The following TSC22D4 variants were observed in gnomAD, a reference collection of about 807,000 sequenced individuals.
TSC22D4 encodes TSC22 domain family member 4.
In TSC22D4, 5 loss-of-function variants were observed where a neutral mutation model predicts 24.9. That is an observed-to-expected ratio of 0.20 (90% CI 0.10 to 0.42). The LOEUF is 0.42. Among genes scored for constraint, TSC22D4 ranks in the 10% least tolerant of loss-of-function variants. The pLI, the probability that TSC22D4 is intolerant of heterozygous loss-of-function variation, is 1.00. For missense variants in TSC22D4, 469 were observed against 547.9 expected (o/e 0.86, Z 1.44); for synonymous variants, 245 against 243.2 (o/e 1.01, Z -0.07).
At chr7:100,478,572 G>GCC (rs1799562107) in intron 1 of TSC22D4, among the ~76,000 whole-genome samples, 1 of 152,024 alleles carries the variant, frequency 6.6e-6, no homozygotes, top group Non-Finnish European at 1.5e-5. Context: ...CCAGAGTTGG[G>GCC]CATTTCTCGC....
In TSC22D4 at chr7:100,477,207, G is replaced by T; in HGVS notation, c.762+70C>A. 3 of 1,223,038 alleles carry T rather than the reference G, an allele frequency of 2.5e-6. No individual in the cohort carries two copies. Among genetic ancestry groups the T allele is most frequent in the South Asian group, 2.5e-5 (1 of 40,106 alleles). The allele number at this position is 1,223,038 out of a possible 1,614,324, so 75.8% of individuals were successfully genotyped here. ...AGAAGGAGGAGGAGAGGGGGGGGAG[G>T]AGGAGGAAGGAGGCTCAAGATAGAG... On this transcript the variant is annotated intron_variant, in intron 2 of 4. Coordinates refer to ENST00000300181, the MANE Select transcript of TSC22D4 (RefSeq NM_030935.5). The surrounding 1 kb of genome is among the most constrained non-coding windows in gnomAD (Gnocchi z 7.8).
Position 100,478,186 on chromosome 7 carries a change from C to T in TSC22D4, c.-148G>A, listed in dbSNP as rs1215326058. On this transcript the variant is annotated 5_prime_UTR_variant, in exon 2 of 5. Coordinates refer to ENST00000300181, the MANE Select transcript of TSC22D4 (RefSeq NM_030935.5). ...GGTCCGACATGGCAGGAGGGCCTGG[C>T]GGGAACCGGGGGTGCCTGCTGGGTG... 4.7e-5 allele frequency: 9 copies of T among 192,416 alleles called. No homozygotes were observed. Among genetic ancestry groups the T allele is most frequent in the South Asian group, 3.3e-4 (4 of 12,290 alleles). 11.9% of individuals were successfully genotyped at this position (192,416 alleles called of 1,614,324 possible). A position where few individuals can be genotyped will look rare whatever the true frequency, so the allele number is the denominator to read the frequency against.
chr7:100,474,523 C>G lies in TSC22D4; in HGVS notation c.763-83G>C. ...CCTTAAAACTTGCCTATTAGCCTTC[C>G]TCCCTCTCCACCTCCCCACTCTCTT... On this transcript the variant is annotated intron_variant, in intron 2 of 4. Coordinates refer to ENST00000300181, the MANE Select transcript of TSC22D4 (RefSeq NM_030935.5). The surrounding 1 kb of genome is among the most constrained non-coding windows in gnomAD (Gnocchi z 4.3). 6.6e-7 allele frequency: 1 copy of G among 1,505,148 alleles called. No homozygotes were observed. Among genetic ancestry groups the G allele is most frequent in the Non-Finnish European group, 9.0e-7 (1 of 1,107,868 alleles). The allele number at this position is 1,505,148 out of a possible 1,614,324, so 93.2% of individuals were successfully genotyped here.
At chr7:100,476,510 G>A (rs1213149231) in intron 2 of TSC22D4, among the ~76,000 whole-genome samples, 2 of 152,150 alleles carry the variant, frequency 1.3e-5, no homozygotes, top group South Asian at 4.1e-4. Flanking sequence ...GGGGACCCAG[G>A]CATCCTGCCC....
rs897312221 is a variant in TSC22D4, at chr7:100,478,156, G to A, written c.-118C>T. ...CGGGGACATCCGAGCCCCTGGGGAC[G>A]TCTGGGTCCGACATGGCAGGAGGGC... On this transcript the variant is annotated 5_prime_UTR_variant, in exon 2 of 5. In the 5' UTR this introduces an upstream ATG that the reference lacks. Coordinates refer to ENST00000300181, the MANE Select transcript of TSC22D4 (RefSeq NM_030935.5). The A allele has an allele frequency of 1.1e-5, 10 of 894,818 alleles. No homozygotes were observed. The highest frequency in any genetic ancestry group is 8.5e-5 in the African/African-American group (5 of 58,932). The allele number at this position is 894,818 out of a possible 1,614,324, so 55.4% of individuals were successfully genotyped here.
rs2131054953 is a variant in TSC22D4, at chr7:100,477,634, C to T, written c.405G>A (p.Leu135=). Residue 135 remains leucine (L), a synonymous_variant, in exon 2 of 5, where the codon CTG becomes CTA. Coordinates refer to ENST00000300181, the MANE Select transcript of TSC22D4 (RefSeq NM_030935.5). This position sits in a 1 kb window ranked among gnomAD's most constrained non-coding sequence, Gnocchi z 7.8. The stretch of plus-strand genomic sequence containing the variant: ...GGCCTGACGGTGGGGTGGGGGCGCC[C>T]AGGCCGAGGCTGGCCAGCTCCAACC... The part of the protein sequence containing the change: ...DSRLELASLG[L]GAPTPPSGLS... 1 of 1,595,712 alleles carries T rather than the reference C, an allele frequency of 6.3e-7. No homozygotes were observed. The highest frequency in any genetic ancestry group is 1.7e-5 in the Admixed American group (1 of 58,056).
At position 100,474,172 on chromosome 7, in the gene TSC22D4, A is replaced by G; in HGVS notation, c.929+102T>C. On this transcript the variant is annotated intron_variant, in intron 3 of 4. Transcript: ENST00000300181. This position sits in a 1 kb window ranked among gnomAD's most constrained non-coding sequence, Gnocchi z 4.3. ...CTCTAAGAGGTCCTCTCCAAGTTCA[A>G]CCTGGGGGAAGGATGCCTACCAGGC... 3 of 1,498,082 alleles carry G rather than the reference A, an allele frequency of 2.0e-6. No homozygotes were observed. The highest frequency in any genetic ancestry group is 2.7e-6 in the Non-Finnish European group (3 of 1,100,608). The allele number at this position is 1,498,082 out of a possible 1,614,324, so 92.8% of individuals were successfully genotyped here.
chr7:100,477,154 AGGGCTATCT>A lies in TSC22D4; in HGVS notation c.762+114_762+122del. 2 of 831,498 alleles carry A rather than the reference AGGGCTATCT, an allele frequency of 2.4e-6. No individual in the cohort carries two copies. The highest frequency in any genetic ancestry group is 3.5e-6 in the Non-Finnish European group (2 of 575,348). 51.5% of individuals were successfully genotyped at this position (831,498 alleles called of 1,614,324 possible). On this transcript the variant is annotated intron_variant, in intron 2 of 4. Transcript: ENST00000300181. The surrounding 1 kb of genome is among the most constrained non-coding windows in gnomAD (Gnocchi z 7.8). ...GAGTGACCTGGCAGGCACAGAGAAGAGGGCTATCTGATCTTATAAAGTGATGGAGAAGGA... is the reference window on the plus strand; with the variant it reads ...GAGTGACCTGGCAGGCACAGAGAAGAGATCTTATAAAGTGATGGAGAAGGA...
chr7:100,469,171 G>A (rs1402673120), intron 3 of TSC22D4, among the ~76,000 whole-genome samples: 1 of 151,092 alleles, frequency 6.6e-6, no homozygotes, highest in African/African-American at 2.4e-5. Context: ...AGGTTGCAGT[G>A]AGCCGAGATC....
intron 3 of TSC22D4, among the ~76,000 whole-genome samples, chr7:100,473,407 T>C (rs1233124675): frequency 6.6e-6 from 1 of 151,964 alleles, no homozygotes; most frequent in Non-Finnish European, 1.5e-5. Flanking sequence ...GAGATGGAAC[T>C]GGGAGGAAAC....
rs201448748 is a variant in TSC22D4, at chr7:100,474,455, G to T, written c.763-15C>A. 705 of 1,613,454 alleles carry T rather than the reference G, an allele frequency of 4.4e-4. 3 individuals are homozygous for T. Among genetic ancestry groups the T allele is most frequent in the South Asian group, 2.8e-3 (254 of 91,066 alleles). On this transcript the variant is annotated splice_polypyrimidine_tract_variant and intron_variant, in intron 2 of 4. Coordinates refer to ENST00000300181, the MANE Select transcript of TSC22D4 (RefSeq NM_030935.5). The surrounding 1 kb of genome is among the most constrained non-coding windows in gnomAD (Gnocchi z 4.3). ...AGTGGGGGCACCTGGAGGCGGAGAGGTAGGAACCATCACATGAAAAGAGAA... is the reference window on the plus strand; with the variant it reads ...AGTGGGGGCACCTGGAGGCGGAGAGTTAGGAACCATCACATGAAAAGAGAA...
intron 3 of TSC22D4, among the ~76,000 whole-genome samples, chr7:100,469,227 TAAAAAAAAAAA>T (rs57659736): frequency 7.7e-6 from 1 of 130,350 alleles, no homozygotes; most frequent in Non-Finnish European, 1.6e-5. Flanking sequence ...AACTCTGTCT[TAAAAAAAAAAA>T]AAAAAAAATC....
At position 100,467,805 on chromosome 7, in the gene TSC22D4, T is replaced by A. The variant is rs1482191686; in HGVS notation, c.930-205A>T. 2.0e-5 allele frequency: 14 copies of A among 698,624 alleles called. No individual in the cohort carries two copies. In the Admixed American group the frequency reaches 2.7e-4, roughly 14 times the overall value. The allele number at this position is 698,624 out of a possible 1,614,324, so 43.3% of individuals were successfully genotyped here. ...GGTGGGGCGGGGGCCCAGATGTCCC[T>A]CGGATGGGGGATGCACCCCGGGGAG... On this transcript the variant is annotated intron_variant, in intron 3 of 4. Transcript: ENST00000300181.
intron 2 of TSC22D4, among the ~76,000 whole-genome samples, chr7:100,475,077 G>A (rs1799468668): frequency 6.6e-6 from 1 of 152,086 alleles, no homozygotes; most frequent in East Asian, 1.9e-4. Flanking sequence ...CTGGAAGAAT[G>A]AGCCACCACT....
intron 3 of TSC22D4, chr7:100,468,059 C>T: frequency 2.4e-6 from 1 of 418,616 alleles, no homozygotes; most frequent in South Asian, 1.7e-5. Flanking sequence ...GCCAGGCAGG[C>T]AGAGAGGAGA....
At position 100,475,064 on chromosome 7, in the gene TSC22D4, G is replaced by C. The variant is rs539066903; in HGVS notation, c.763-624C>G. On this transcript the variant is annotated intron_variant, in intron 2 of 4. Coordinates refer to ENST00000300181, the MANE Select transcript of TSC22D4 (RefSeq NM_030935.5). ...GATCCTCCTGCCTCAGCCTCCCAAA[G>C]TGCTGGAAGAATGAGCCACCACTCC... Among the ~76,000 whole-genome samples, 8 of 152,074 alleles carry C rather than the reference G, an allele frequency of 5.3e-5. No individual in the cohort carries two copies. In the South Asian group the frequency reaches 1.7e-3, roughly 32 times the overall value.
chr7:100,470,040 G>A (rs1047435318), intron 3 of TSC22D4, among the ~76,000 whole-genome samples: 2 of 152,152 alleles, frequency 1.3e-5, no homozygotes, highest in Non-Finnish European at 2.9e-5. Context: ...CTGCCAGCAG[G>A]AGGGTCAAAG....
rs1799288741 is a variant in TSC22D4, at chr7:100,466,940, A to G, written c.*19T>C. 7 of 1,527,006 alleles carry G rather than the reference A, an allele frequency of 4.6e-6. No homozygotes were observed. The East Asian group carries it at 7.3e-5, about 16-fold the overall frequency. The allele number at this position is 1,527,006 out of a possible 1,614,324, so 94.6% of individuals were successfully genotyped here. On this transcript the variant is annotated 3_prime_UTR_variant, in exon 5 of 5. Transcript: ENST00000300181. The stretch of plus-strand genomic sequence containing the variant: ...CAAGGCCGGGCAGCCCCAAAGGCAC[A>G]TTGTAAGGGAAGGGAGGCTCAGACG...
rs754031841 is a variant in TSC22D4, at chr7:100,477,188, A to AG, written c.762+88dup. The AG allele has an allele frequency of 4.7e-6, 5 of 1,061,936 alleles. No homozygotes were observed. The highest frequency in any genetic ancestry group is 2.7e-4 in the Middle Eastern group (1 of 3,730). 65.8% of individuals were successfully genotyped at this position (1,061,936 alleles called of 1,614,324 possible). A position where few individuals can be genotyped will look rare whatever the true frequency, so the allele number is the denominator to read the frequency against. On this transcript the variant is annotated intron_variant, in intron 2 of 4. Transcript: ENST00000300181. This position sits in a 1 kb window ranked among gnomAD's most constrained non-coding sequence, Gnocchi z 7.8. The stretch of plus-strand genomic sequence containing the variant: ...TGATCTTATAAAGTGATGGAGAAGG[A>AG]GGAGGAGAGGGGGGGGAGGAGGAGG...
Sources: allele counts gnomAD v4.1 joint callset (sites outside exome capture counted in the v4.1 genomes callset), GRCh38; gene constraint gnomAD v4.1.1; non-coding constraint Gnocchi (gnomAD v3.1); transcripts MANE v1.5; gene names NCBI Gene and HGNC (gene_info 2026-07-23, HGNC 2026-07-21).